The following ANKH variants were observed in gnomAD, a reference collection of about 807,000 sequenced individuals.
The protein encoded by ANKH is mineralization regulator ANKH.
ANKH carries 15 observed loss-of-function variants against 49.0 expected under a neutral mutation model. The ratio of observed to expected loss-of-function variants is 0.31; its 90% CI spans 0.20 to 0.47. ANKH has a LOEUF of 0.47. ANKH is among the 20% of genes least tolerant of loss of function. The pLI, the probability that ANKH is intolerant of heterozygous loss-of-function variation, is 1.00. For synonymous variants in ANKH, 273 were observed against 260.0 expected (o/e 1.05, Z -0.48); for missense variants, 429 against 652.0 (o/e 0.66, Z 3.72).
chr5:14,759,926 AGTGTTTT>A (rs1291537927), intron 2 of ANKH, among the ~76,000 whole-genome samples: 1 of 152,168 alleles, frequency 6.6e-6, no homozygotes. Flanking sequence ...GTGTCTTACG[AGTGTTTT>A]AACAGTAGGT....
In ANKH at chr5:14,705,938, C is replaced by A. The variant is rs964859604; in HGVS notation, c.*5259G>T. On this transcript the variant is annotated 3_prime_UTR_variant, in exon 12 of 12. Transcript: ENST00000284268. ...ATGTTCCCCTAATGTTCCCCAACTC[C>A]AGAGGCGCCATTTCTTGCCCTGGCT... 6.6e-6 allele frequency: 1 copy of A among 152,170 alleles called. No individual in the cohort carries two copies. Among genetic ancestry groups the A allele is most frequent in the Admixed American group, 6.5e-5 (1 of 15,278 alleles). The allele number at this position is 152,170 out of a possible 1,614,324, so 9.4% of individuals were successfully genotyped here. A position where few individuals can be genotyped will look rare whatever the true frequency, so the allele number is the denominator to read the frequency against.
At chr5:14,850,852 C>T (rs1742103409) in intron 1 of ANKH, among the ~76,000 whole-genome samples, 1 of 152,088 alleles carries the variant, frequency 6.6e-6, no homozygotes, top group Non-Finnish European at 1.5e-5. Context: ...CGATTAAAGC[C>T]CAGAGAGCCC....
In ANKH at chr5:14,710,076, A is replaced by T. The variant is rs1737105816; in HGVS notation, c.*1121T>A. 1 of 152,340 alleles carries T rather than the reference A, an allele frequency of 6.6e-6. No homozygotes were observed. The highest frequency in any genetic ancestry group is 2.1e-4 in the South Asian group (1 of 4,828). 9.4% of individuals were successfully genotyped at this position (152,340 alleles called of 1,614,324 possible). On this transcript the variant is annotated 3_prime_UTR_variant, in exon 12 of 12. Transcript: ENST00000284268. The stretch of plus-strand genomic sequence containing the variant: ...AATGCGTTATTTCAGGGAGGACCAC[A>T]TAGTGACTCTGGTATCGTTATAAAA...
chr5:14,736,851 T>C (rs1738203216), intron 8 of ANKH, among the ~76,000 whole-genome samples: 2 of 152,156 alleles, frequency 1.3e-5, no homozygotes, highest in African/African-American at 4.8e-5. Context: ...TGCTAATGGT[T>C]TGGGGAGGCT....
intron 8 of ANKH, among the ~76,000 whole-genome samples, chr5:14,719,706 C>G (rs1004977103): frequency 6.6e-6 from 1 of 152,074 alleles, no homozygotes; most frequent in East Asian, 1.9e-4. Flanking sequence ...CAGAGTTTAT[C>G]GTAGTCACAA....
chr5:14,724,021 T>C (rs1480912049), intron 8 of ANKH, among the ~76,000 whole-genome samples: 2 of 152,076 alleles, frequency 1.3e-5, no homozygotes, highest in Non-Finnish European at 2.9e-5. Flanking sequence ...GATCAATGAG[T>C]AATTTAACAT....
chr5:14,857,997 C>T (rs943888208), intron 1 of ANKH, among the ~76,000 whole-genome samples: 2 of 151,998 alleles, frequency 1.3e-5, no homozygotes, highest in Non-Finnish European at 2.9e-5. Context: ...GATTTCTGTA[C>T]AATATGTTGC....
chr5:14,719,407 T>A lies in ANKH; in HGVS notation c.1012-2572A>T, dbSNP rs75614917. ...CCATGGAGTGGAAAAGAGCAAGGCA[T>A]GGGTGAAGCACAAGACAAAAGCCAG... On this transcript the variant is annotated intron_variant, in intron 8 of 11. Coordinates refer to ENST00000284268, the MANE Select transcript of ANKH (RefSeq NM_054027.6). Among the ~76,000 whole-genome samples, 173 of 152,284 alleles carry A rather than the reference T, an allele frequency of 1.1e-3. 3 individuals are homozygous for A. The East Asian group carries it at 0.024, about 21-fold the overall frequency.
At position 14,816,351 on chromosome 5, in the gene ANKH, G is replaced by A. The variant is rs148937080; in HGVS notation, c.97-47160C>T. 4.6e-5 allele frequency among the ~76,000 whole-genome samples: 7 copies of A among 152,246 alleles called. No individual in the cohort carries two copies. In the East Asian group the frequency reaches 1.4e-3, roughly 29 times the overall value. On this transcript the variant is annotated intron_variant, in intron 1 of 11. Transcript: ENST00000284268. The stretch of plus-strand genomic sequence containing the variant: ...AAGAGAGAGAAGCCACTTCGAATGG[G>A]TCTAATTGTAATTTCTTCTAAACTT...
chr5:14,871,562 G>GGCGGCGGGGCCTCGGGC lies in ANKH; in HGVS notation c.-132_-116dup, dbSNP rs1264594310. 1.2e-5 allele frequency: 6 copies of GGCGGCGGGGCCTCGGGC among 516,448 alleles called. No individual in the cohort carries two copies. Among genetic ancestry groups the GGCGGCGGGGCCTCGGGC allele is most frequent in the Non-Finnish European group, 1.6e-5 (6 of 376,892 alleles). The allele number at this position is 516,448 out of a possible 1,614,324, so 32.0% of individuals were successfully genotyped here. ...GGGGCGCGGGCCGACAGAGGCCGCG[G>GGCGGCGGGGCCTCGGGC]GCGGCGGGGCCTCGGGCGCGGCGGC... On this transcript the variant is annotated 5_prime_UTR_variant, in exon 1 of 12. Coordinates refer to ENST00000284268, the MANE Select transcript of ANKH (RefSeq NM_054027.6).
At chr5:14,832,557 A>G (rs115208499) in intron 1 of ANKH, among the ~76,000 whole-genome samples, 2,429 of 152,362 alleles carry the variant, frequency 0.016, 68 homozygotes, top group African/African-American at 0.055. Flanking sequence ...CAAGTCACCT[A>G]GAAAACACAG....
At chr5:14,844,899 G>A (rs539584013) in intron 1 of ANKH, among the ~76,000 whole-genome samples, 4 of 152,268 alleles carry the variant, frequency 2.6e-5, no homozygotes, top group East Asian at 3.9e-4. Flanking sequence ...TCTTTCGGGA[G>A]GATTGGAGCC....
chr5:14,759,135 A>AG (rs1738993650), intron 2 of ANKH, among the ~76,000 whole-genome samples: 1 of 152,218 alleles, frequency 6.6e-6, no homozygotes, highest in African/African-American at 2.4e-5. Flanking sequence ...CTTTAAAGCT[A>AG]GCTTTTTCAC....
At chr5:14,809,963 A>C (rs1740827674) in intron 1 of ANKH, among the ~76,000 whole-genome samples, 1 of 152,090 alleles carries the variant, frequency 6.6e-6, no homozygotes. Flanking sequence ...TCTGGGCGCC[A>C]GCTGAATTCA....
chr5:14,806,206 A>C (rs778862815), intron 1 of ANKH, among the ~76,000 whole-genome samples: 1 of 152,152 alleles, frequency 6.6e-6, no homozygotes, highest in Admixed American at 6.5e-5. Context: ...CAAAAACATT[A>C]ATCAGTTAAA....
intron 8 of ANKH, among the ~76,000 whole-genome samples, chr5:14,727,960 G>T (rs1433047257): frequency 6.6e-6 from 1 of 152,200 alleles, no homozygotes; most frequent in East Asian, 1.9e-4. Context: ...ATGTGCATCT[G>T]CCCTGGTGTC....
At chr5:14,858,995 T>C (rs1335186459) in intron 1 of ANKH, among the ~76,000 whole-genome samples, 1 of 152,098 alleles carries the variant, frequency 6.6e-6, no homozygotes, top group Non-Finnish European at 1.5e-5. Context: ...CAGTGGCTTA[T>C]GGTGTTAATT....
At chr5:14,792,837 T>C (rs39917) in intron 1 of ANKH, among the ~76,000 whole-genome samples, 92,391 of 149,018 alleles carry the variant, frequency 0.62, 29,065 homozygotes, top group South Asian at 0.77. Context: ...ATTAGCCAGA[T>C]GTGGTGGCAG....
intron 1 of ANKH, among the ~76,000 whole-genome samples, chr5:14,846,616 G>A (rs898465522): frequency 6.6e-6 from 1 of 152,148 alleles, no homozygotes; most frequent in African/African-American, 2.4e-5. Context: ...GTTTCTACTA[G>A]AGATCTATTT....
Sources: allele counts gnomAD v4.1 joint callset (sites outside exome capture counted in the v4.1 genomes callset), GRCh38; gene constraint gnomAD v4.1.1; transcripts MANE v1.5; gene names NCBI Gene and HGNC (gene_info 2026-07-23, HGNC 2026-07-21).